DCC: variants seen among roughly 807,000 people sequenced by gnomAD.
The protein encoded by DCC is netrin receptor DCC.
In DCC, 58 loss-of-function variants were observed where a neutral mutation model predicts 172.5. The ratio of observed to expected loss-of-function variants is 0.34; its 90% CI spans 0.27 to 0.42. The LOEUF (loss-of-function observed/expected upper bound fraction) is 0.42, where lower values mean the gene tolerates loss of function less well. Among genes scored for constraint, DCC ranks in the 10% least tolerant of loss-of-function variants. The pLI is 1.00. For synonymous variants in DCC, 709 were observed against 644.5 expected (o/e 1.10, Z -1.52); for missense variants, 1,740 against 1,791.0 (o/e 0.97, Z 0.51).
rs552553325 is a variant in DCC at position 52,661,858 on chromosome 18, A to C, written c.92-90196A>C. Among the ~76,000 whole-genome samples, 163 of 152,344 alleles carry C rather than the reference A, an allele frequency of 1.1e-3. 2 individuals carry two copies. The South Asian group carries it at 0.033, about 30-fold the overall frequency. ...TTAATATTTTGACAGAGATAAGAAA[A>C]TATTAAGCAATCATATAGTAAGAAC... On this transcript the variant is annotated intron_variant, in intron 1 of 28. Transcript: ENST00000442544.
Position 53,369,288 on chromosome 18 carries a change from C to T in DCC, c.2360-16755C>T, listed in dbSNP as rs149797594. 2.9e-3 allele frequency among the ~76,000 whole-genome samples: 444 copies of T among 151,678 alleles called. 3 individuals carry two copies. The highest frequency in any genetic ancestry group is 0.01 in the African/African-American group (433 of 41,452). The stretch of plus-strand genomic sequence containing the variant: ...ATTTTTTGTGTTATTTTGCTAAATT[C>T]GTGTATTTGCTCTAAAAGGTGTTTT... On this transcript the variant is annotated intron_variant, in intron 15 of 28. Transcript: ENST00000442544.
chr18:53,516,901 G>A (rs1202447073), intron 27 of DCC, among the ~76,000 whole-genome samples: 1 of 143,390 alleles, frequency 7.0e-6, no homozygotes, highest in Non-Finnish European at 1.5e-5. Flanking sequence ...GATTCCTCAG[G>A]GATCTAGAAC....
intron 9 of DCC, among the ~76,000 whole-genome samples, chr18:53,193,488 T>C (rs2144517949): frequency 6.6e-6 from 1 of 152,308 alleles, no homozygotes; most frequent in East Asian, 1.9e-4. Flanking sequence ...ACTGCCCATT[T>C]TTTTTTAAAT....
In DCC at chr18:52,942,266, G is replaced by GT. The variant is rs548606239; in HGVS notation, c.985+16900dup. Reference sequence around the variant, plus strand: ...AATTAATTTAGTCTATACATCTTTTGTTTTCTGTCTTAATCTGGTTTAATA... The same window carrying GT: ...AATTAATTTAGTCTATACATCTTTTGTTTTTCTGTCTTAATCTGGTTTAATA... On this transcript the variant is annotated intron_variant, in intron 5 of 28. Coordinates refer to ENST00000442544, the MANE Select transcript of DCC (RefSeq NM_005215.4). 4.3e-4 allele frequency among the ~76,000 whole-genome samples: 65 copies of GT among 152,076 alleles called. No individual in the cohort carries two copies. The East Asian group carries it at 0.011, about 27-fold the overall frequency.
intron 7 of DCC, among the ~76,000 whole-genome samples, chr18:53,147,169 T>TATCA (rs2043927988): frequency 6.6e-6 from 1 of 152,194 alleles, no homozygotes; most frequent in South Asian, 2.1e-4. Context: ...GGTTGATAGC[T>TATCA]TAGATATCAT....
intron 7 of DCC, among the ~76,000 whole-genome samples, chr18:53,096,503 T>C (rs1276576775): frequency 2.0e-5 from 3 of 152,134 alleles, no homozygotes; most frequent in African/African-American, 2.4e-5. Flanking sequence ...TGCAGTTGAA[T>C]GGTTAGTTGT....
At chr18:53,424,639 C>T (rs903145859) in intron 21 of DCC, among the ~76,000 whole-genome samples, 15 of 118,542 alleles carry the variant, frequency 1.3e-4, no homozygotes, top group Non-Finnish European at 2.1e-4. Flanking sequence ...AAACTATTAC[C>T]GGGGGAAGAG....
intron 21 of DCC, among the ~76,000 whole-genome samples, chr18:53,418,726 T>TA (rs1236793537): frequency 6.6e-6 from 1 of 152,186 alleles, no homozygotes; most frequent in Non-Finnish European, 1.5e-5. Context: ...ATTATTATTT[T>TA]AGGGATTGAA....
intron 5 of DCC, among the ~76,000 whole-genome samples, chr18:53,019,431 T>C (rs1164091640): frequency 6.6e-6 from 1 of 152,160 alleles, no homozygotes; most frequent in Non-Finnish European, 1.5e-5. Flanking sequence ...CTACTTTTCC[T>C]AGGGTTGGTA....
chr18:52,922,921 C>T lies in DCC; in HGVS notation c.698-786C>T, dbSNP rs543640789. 2.0e-5 allele frequency among the ~76,000 whole-genome samples: 3 copies of T among 152,184 alleles called. No homozygotes were observed. The South Asian group carries it at 6.2e-4, about 32-fold the overall frequency. On this transcript the variant is annotated intron_variant, in intron 3 of 28. Coordinates refer to ENST00000442544, the MANE Select transcript of DCC (RefSeq NM_005215.4). ...AATCTTAGCAACTTTGGATGAAATG[C>T]ATTTAAGGATTGAATCAAAAGACTT...
intron 1 of DCC, among the ~76,000 whole-genome samples, chr18:52,489,647 T>G (rs531908074): frequency 6.6e-6 from 1 of 152,108 alleles, no homozygotes. Context: ...CCACAATGGA[T>G]AGATATTTGT....
chr18:52,557,073 A>G (rs536909583), intron 1 of DCC, among the ~76,000 whole-genome samples: 4 of 152,252 alleles, frequency 2.6e-5, no homozygotes, highest in African/African-American at 9.6e-5. Context: ...ATCACTAGCT[A>G]TTTTCTTTAA....
intron 16 of DCC, 36 bp from the exon 17 acceptor site, chr18:53,391,617 TTA>T (rs1908550144): frequency 1.5e-6 from 2 of 1,304,916 alleles, no homozygotes; most frequent in East Asian, 4.6e-5. Flanking sequence ...ATTTACGTAT[TTA>T]TTTGTTTGTT....
Position 52,752,322 on chromosome 18 carries a change from T to C in DCC, c.360T>C (p.Ser120=). Residue 120 remains serine, a synonymous_variant, in exon 2 of 29, where the codon TCT becomes TCC. Transcript: ENST00000442544. ...PDEGLYQCEA[S]LGDSGSIISR... is the part of the protein sequence containing the mutation. ...AGGGACTTTACCAATGTGAGGCATCTTTAGGAGATTCTGGCTCAATTATTA... is the reference window on the plus strand; with the variant it reads ...AGGGACTTTACCAATGTGAGGCATCCTTAGGAGATTCTGGCTCAATTATTA... 6.2e-7 allele frequency: 1 copy of C among 1,614,186 alleles called. No homozygotes were observed. Among genetic ancestry groups the C allele is most frequent in the Non-Finnish European group, 8.5e-7 (1 of 1,180,036 alleles).
chr18:53,254,180 C>T (rs1456967117), intron 12 of DCC, among the ~76,000 whole-genome samples: 1 of 151,934 alleles, frequency 6.6e-6, no homozygotes, highest in Non-Finnish European at 1.5e-5. Flanking sequence ...TCACTCTTAG[C>T]GTAAATAAAA....
chr18:53,023,378 A>G (rs36032975), intron 5 of DCC, among the ~76,000 whole-genome samples: 1 of 147,546 alleles, frequency 6.8e-6, no homozygotes, highest in African/African-American at 2.5e-5. Context: ...AATAAAAAGG[A>G]CAAACACATA....
intron 8 of DCC, among the ~76,000 whole-genome samples, chr18:53,178,036 G>C (rs2055135640): frequency 6.6e-6 from 1 of 152,110 alleles, no homozygotes; most frequent in Non-Finnish European, 1.5e-5. Context: ...TGAGAAGCAA[G>C]AGATATTATC....
intron 7 of DCC, among the ~76,000 whole-genome samples, chr18:53,156,133 T>A (rs1429481013): frequency 6.6e-6 from 1 of 152,222 alleles, no homozygotes; most frequent in Non-Finnish European, 1.5e-5. Context: ...GTACACCTAC[T>A]TGGGCTGTAT....
chr18:52,664,619 C>G (rs1353253935), intron 1 of DCC, among the ~76,000 whole-genome samples: 1 of 151,416 alleles, frequency 6.6e-6, no homozygotes. Context: ...TACAGGCGCC[C>G]GCCACCATGC....
Sources: allele counts gnomAD v4.1 joint callset (sites outside exome capture counted in the v4.1 genomes callset), GRCh38; gene constraint gnomAD v4.1.1; transcripts MANE v1.5; gene names NCBI Gene and HGNC (gene_info 2026-07-23, HGNC 2026-07-21).